The following PGR variants were observed in gnomAD, a reference collection of about 807,000 sequenced individuals.
The protein encoded by PGR is nuclear receptor subfamily 3 group C member 3.
A neutral mutation model predicts 76.1 loss-of-function variants in PGR; 25 were observed. The observed-to-expected ratio is 0.33, with a 90% CI of 0.24 to 0.46. The LOEUF is 0.46. Among genes scored for constraint, PGR ranks in the 20% least tolerant of loss-of-function variants. PGR has a pLI of 1.00. For synonymous variants in PGR, 579 were observed against 535.0 expected, an observed-to-expected ratio of 1.08 and a Z score of -1.14; for missense variants, 1,172 against 1,225.3, an observed-to-expected ratio of 0.96 and a Z score of 0.65.
intron 3 of PGR, among the ~76,000 whole-genome samples, chr11:101,068,691 C>T (rs185494772): frequency 2.7e-4 from 41 of 152,092 alleles, no homozygotes; most frequent in Middle Eastern, 3.4e-3. Context: ...TAGAACAGAA[C>T]AGAGGCCTCA....
rs1859544617 is a variant in PGR at position 101,037,291 on chromosome 11, G to A, written c.*1825C>T. ...ACGTTGAGTGTACAAATATTAAAAT[G>A]CCTATTTATCAGGCACTGTAATTTA... On this transcript the variant is annotated 3_prime_UTR_variant, in exon 8 of 8. Transcript: ENST00000325455. 2 of 213,412 alleles carry A rather than the reference G, an allele frequency of 9.4e-6. No homozygotes were observed. Among genetic ancestry groups the A allele is most frequent in the East Asian group, 7.1e-5 (1 of 14,162 alleles). 13.2% of individuals were successfully genotyped at this position (213,412 alleles called of 1,614,324 possible).
Position 101,096,918 on chromosome 11 carries a change from C to T in PGR, c.1790-5042G>A, listed in dbSNP as rs1009640656. On this transcript the variant is annotated intron_variant, in intron 2 of 7. Coordinates refer to ENST00000325455, the MANE Select transcript of PGR (RefSeq NM_000926.4). Reference sequence around the variant, plus strand: ...ATTTGCTGCCATCTTTGCTGTTTACCTACATTATCACCACCAGGAGTTATA... The same window carrying T: ...ATTTGCTGCCATCTTTGCTGTTTACTTACATTATCACCACCAGGAGTTATA... Among the ~76,000 whole-genome samples, 10 of 152,268 alleles carry T rather than the reference C, an allele frequency of 6.6e-5. No individual in the cohort carries two copies. The East Asian group carries it at 1.9e-3, about 29-fold the overall frequency.
At chr11:101,045,832 T>G (rs947111634) in intron 6 of PGR, among the ~76,000 whole-genome samples, 1 of 152,142 alleles carries the variant, frequency 6.6e-6, no homozygotes, top group South Asian at 2.1e-4. Context: ...TTTGACATAA[T>G]GATTTCTTTT....
intron 3 of PGR, among the ~76,000 whole-genome samples, chr11:101,073,989 C>T (rs573091292): frequency 2.0e-5 from 3 of 151,640 alleles, no homozygotes; most frequent in African/African-American, 7.2e-5. Flanking sequence ...TATTTGGTAT[C>T]ATCCTGACAC....
intron 2 of PGR, among the ~76,000 whole-genome samples, chr11:101,093,870 G>A (rs1017669376): frequency 1.3e-5 from 2 of 152,250 alleles, no homozygotes; most frequent in South Asian, 4.2e-4. Context: ...GCAGGAAAAA[G>A]GTCTGATCTA....
chr11:101,036,014 G>C lies in PGR; in HGVS notation c.*3102C>G, dbSNP rs759760035. Reference sequence around the variant, plus strand: ...ATTACAAAGCACTTGGGAAAGGCAGGTTTAATCAGAGCAGTTAAATGACTT... The same window carrying C: ...ATTACAAAGCACTTGGGAAAGGCAGCTTTAATCAGAGCAGTTAAATGACTT... On this transcript the variant is annotated 3_prime_UTR_variant, in exon 8 of 8. Transcript: ENST00000325455. 3.1e-5 allele frequency: 7 copies of C among 224,968 alleles called. No individual in the cohort carries two copies. Among genetic ancestry groups the C allele is most frequent in the Admixed American group, 1.1e-4 (2 of 17,470 alleles). 13.9% of individuals were successfully genotyped at this position (224,968 alleles called of 1,614,324 possible).
At chr11:101,051,646 C>T (rs1860092513) in intron 4 of PGR, 78 bp from the exon 5 acceptor site, 1 of 1,076,666 alleles carries the variant, frequency 9.3e-7, no homozygotes, top group Non-Finnish European at 1.4e-6. Flanking sequence ...ACATATAAAT[C>T]TGAAAATAGG....
At chr11:101,078,151 G>T (rs1307552483) in intron 3 of PGR, among the ~76,000 whole-genome samples, 1 of 152,120 alleles carries the variant, frequency 6.6e-6, no homozygotes, top group Non-Finnish European at 1.5e-5. Flanking sequence ...AGCCCAGAAA[G>T]TTATTCTCTT....
intron 2 of PGR, among the ~76,000 whole-genome samples, chr11:101,109,280 C>T (rs985121584): frequency 6.6e-6 from 1 of 152,102 alleles, no homozygotes; most frequent in Admixed American, 6.5e-5. Flanking sequence ...GATTAAGCTT[C>T]GTGAGGGAGG....
At position 101,129,096 on chromosome 11, in the gene PGR, C is replaced by T. The variant is rs1402782880; in HGVS notation, c.-26G>A. ...GACGACTGGACTCCCCTTTTCTCCT[C>T]CCCCGTCTCCAGGAGGAGGGAAAAG... On this transcript the variant is annotated 5_prime_UTR_variant, in exon 1 of 8. Transcript: ENST00000325455. The T allele has an allele frequency of 1.4e-6, 2 of 1,381,214 alleles. No homozygotes were observed. The highest frequency in any genetic ancestry group is 5.6e-5 in the East Asian group (2 of 35,762). 85.6% of individuals were successfully genotyped at this position (1,381,214 alleles called of 1,614,324 possible).
intron 2 of PGR, among the ~76,000 whole-genome samples, chr11:101,107,881 G>GAA (rs774077385): frequency 1.4e-4 from 18 of 132,640 alleles, no homozygotes; most frequent in African/African-American, 4.4e-4. Flanking sequence ...AAAAAAAAAA[G>GAA]AAAGAAAAAG....
intron 4 of PGR, among the ~76,000 whole-genome samples, chr11:101,052,378 G>A (rs1003833320): frequency 6.6e-6 from 1 of 151,708 alleles, no homozygotes; most frequent in Non-Finnish European, 1.5e-5. Flanking sequence ...CTGTTCCATG[G>A]TGTTGGTGGC....
At chr11:101,096,804 T>TC (rs1457182308) in intron 2 of PGR, among the ~76,000 whole-genome samples, 1 of 152,212 alleles carries the variant, frequency 6.6e-6, no homozygotes, top group Non-Finnish European at 1.5e-5. Flanking sequence ...TCAAATTGCG[T>TC]ATTATTTCTT....
Position 101,128,049 on chromosome 11 carries a change from G to A in PGR, c.1022C>T (p.Pro341Leu), listed in dbSNP as rs751488876. 7 of 1,604,470 alleles carry A rather than the reference G, an allele frequency of 4.4e-6. No individual in the cohort carries two copies. Among genetic ancestry groups the A allele is most frequent in the South Asian group, 1.1e-5 (1 of 91,070 alleles). ...CGAGGCACAGGGTGAACTCCGCGGC[G>A]GGGCAAAGGCGCTGGCAGCCCCGGC... is the stretch of plus-strand genomic sequence containing the variant. ...GGAGAASAFA[P>L]PRSSPCASST... is the part of the protein sequence containing the mutation. Residue 341 changes from proline to leucine, a missense_variant, in exon 1 of 8, where the codon CCG becomes CTG. By Grantham distance (98) the Pro-to-Leu change is moderately conservative (BLOSUM62 -3). Transcript: ENST00000325455.
chr11:101,046,692 C>T (rs1423583831), intron 6 of PGR, among the ~76,000 whole-genome samples: 1 of 151,930 alleles, frequency 6.6e-6, no homozygotes, highest in Non-Finnish European at 1.5e-5. Flanking sequence ...ACATTTAACT[C>T]AATTATCTGT....
At chr11:101,044,145 A>G (rs1859784255) in intron 6 of PGR, among the ~76,000 whole-genome samples, 1 of 152,190 alleles carries the variant, frequency 6.6e-6, no homozygotes, top group Non-Finnish European at 1.5e-5. Flanking sequence ...ATCTACCCTG[A>G]AAACCTGTTT....
chr11:101,122,914 C>A (rs1170400422), intron 2 of PGR, among the ~76,000 whole-genome samples: 1 of 152,172 alleles, frequency 6.6e-6, no homozygotes, highest in African/African-American at 2.4e-5. Flanking sequence ...CTTCTCATTA[C>A]CCCTGCTCTT....
At position 101,076,221 on chromosome 11, in the gene PGR, G is replaced by C. The variant is rs535560805; in HGVS notation, c.1907-13469C>G. Among the ~76,000 whole-genome samples, 8 of 147,868 alleles carry C rather than the reference G, an allele frequency of 5.4e-5. No homozygotes were observed. The East Asian group carries it at 1.6e-3, about 30-fold the overall frequency. On this transcript the variant is annotated intron_variant, in intron 3 of 7. Coordinates refer to ENST00000325455, the MANE Select transcript of PGR (RefSeq NM_000926.4). Reference sequence around the variant, plus strand: ...TTCAGAGCAAACTAACACAAGAACAGAAAACCAAACACTGCATGTTCTCTC... The same window carrying C: ...TTCAGAGCAAACTAACACAAGAACACAAAACCAAACACTGCATGTTCTCTC...
At chr11:101,086,838 C>T in intron 3 of PGR, among the ~76,000 whole-genome samples, 1 of 151,620 alleles carries the variant, frequency 6.6e-6, no homozygotes, top group East Asian at 1.9e-4. Flanking sequence ...TTTAAAATAG[C>T]CACACACACA....
Sources: allele counts gnomAD v4.1 joint callset (sites outside exome capture counted in the v4.1 genomes callset), GRCh38; gene constraint gnomAD v4.1.1; transcripts MANE v1.5; gene names NCBI Gene and HGNC (gene_info 2026-07-23, HGNC 2026-07-21).